The following OR6B1 variants were observed in gnomAD, a reference collection of about 807,000 sequenced individuals.
OR6B1 encodes olfactory receptor family 6 subfamily B member 1.
Under a neutral mutation model 15.4 loss-of-function variants are expected in OR6B1, and 15 were observed. The ratio of observed to expected loss-of-function variants is 0.97; its 90% confidence interval spans 0.65 to 1.50. The LOEUF (loss-of-function observed/expected upper bound fraction) is 1.50. Among genes scored for constraint, OR6B1 ranks in the 40% most tolerant of loss-of-function variants. OR6B1 has a pLI of 0.00. For missense variants in OR6B1, 384 were observed against 385.0 expected, an observed-to-expected ratio of 1.00 and a Z score of 0.02; for synonymous variants, 139 against 144.9, an observed-to-expected ratio of 0.96 and a Z score of 0.29.
At chr7:144,001,701 T>C (rs1012378253) in intron 1 of OR6B1, among the ~76,000 whole-genome samples, 4 of 152,206 alleles carry the variant, frequency 2.6e-5, no homozygotes, top group Admixed American at 2.6e-4. Flanking sequence ...TCTTTCTCTT[T>C]CCATCCATCT....
At position 144,003,968 on chromosome 7, in the gene OR6B1, C is replaced by A. The variant is rs770854517; in HGVS notation, c.-25-4C>A. On this transcript the variant is annotated splice_polypyrimidine_tract_variant and splice_region_variant and intron_variant, in intron 1 of 1. Transcript: ENST00000641698. ...AGTCTGATCAAATGATTTTTCCTCC[C>A]CAGGAGAGCTAAGCCCTGTGTCTCC... The A allele has an allele frequency of 6.6e-7, 1 of 1,518,872 alleles. No homozygotes were observed. The highest frequency in any genetic ancestry group is 1.8e-5 in the Admixed American group (1 of 54,744). The allele number at this position is 1,518,872 out of a possible 1,614,324, so 94.1% of individuals were successfully genotyped here.
rs948621230 is a variant in OR6B1, at chr7:144,005,697, G to A, written c.*765G>A. The A allele has an allele frequency of 6.6e-6, 1 of 151,868 alleles. No individual in the cohort carries two copies. Among genetic ancestry groups the A allele is most frequent in the African/African-American group, 2.4e-5 (1 of 41,308 alleles). The allele number at this position is 151,868 out of a possible 1,614,324, so 9.4% of individuals were successfully genotyped here. A position where few individuals can be genotyped will look rare whatever the true frequency, so the allele number is the denominator to read the frequency against. On this transcript the variant is annotated 3_prime_UTR_variant, in exon 2 of 2. Coordinates refer to ENST00000641698, the MANE Select transcript of OR6B1 (RefSeq NM_001005281.3). The stretch of plus-strand genomic sequence containing the variant: ...TTTCTTTTGATCTTGATATCCTCTT[G>A]TTCCCGCCCCGCACCCCCCTTCCCG...
At chr7:144,002,177 T>G (rs1473224789) in intron 1 of OR6B1, among the ~76,000 whole-genome samples, 1 of 152,248 alleles carries the variant, frequency 6.6e-6, no homozygotes, top group Non-Finnish European at 1.5e-5. Flanking sequence ...ATTCTGATTT[T>G]ATCACTGTCT....
chr7:144,004,346 C>T lies in OR6B1; in HGVS notation c.350C>T (p.Ala117Val), dbSNP rs1261857106. Residue 117 changes from alanine to valine, a missense_variant, in exon 2 of 2, where the codon GCC (alanine) becomes GTC (valine). Ala to Val is a moderately conservative substitution (Grantham distance 64). Transcript: ENST00000641698. Reference sequence around the variant, plus strand: ...TGCACAGAATGTGTGCTTCTGGCCGCCATGGCCTATGACCGGTATGTGGCC... The same window carrying T: ...TGCACAGAATGTGTGCTTCTGGCCGTCATGGCCTATGACCGGTATGTGGCC... ...LMCTECVLLA[A>V]MAYDRYVAIC... is the part of the protein sequence containing the mutation. 21 of 1,614,076 alleles carry T rather than the reference C, an allele frequency of 1.3e-5. No individual in the cohort carries two copies. The Admixed American group carries it at 2.0e-4, about 15-fold the overall frequency.
intron 1 of OR6B1, among the ~76,000 whole-genome samples, chr7:144,002,181 ACTGT>A (rs1165905287): frequency 6.6e-6 from 1 of 152,230 alleles, no homozygotes; most frequent in East Asian, 1.9e-4. Flanking sequence ...TGATTTTATC[ACTGT>A]CTAACTTGGA....
At position 144,006,492 on chromosome 7, in the gene OR6B1, A is replaced by G. The variant is rs2050625517; in HGVS notation, c.*1560A>G. ...GGGAATAAATGTGCAAAAGAGAACA[A>G]TGCTTAAAATGGAAAGGATTTAATG... On this transcript the variant is annotated 3_prime_UTR_variant, in exon 2 of 2. Coordinates refer to ENST00000641698, the MANE Select transcript of OR6B1 (RefSeq NM_001005281.3). The G allele has an allele frequency of 6.6e-6, 1 of 152,250 alleles. No individual in the cohort carries two copies. The highest frequency in any genetic ancestry group is 2.1e-4 in the South Asian group (1 of 4,832). 9.4% of individuals were successfully genotyped at this position (152,250 alleles called of 1,614,324 possible). A position where few individuals can be genotyped will look rare whatever the true frequency, so the allele number is the denominator to read the frequency against.
rs2050637860 is a variant in OR6B1, at chr7:144,008,227, C to T, written c.*3295C>T. 1 of 152,136 alleles carries T rather than the reference C, an allele frequency of 6.6e-6. No individual in the cohort carries two copies. The highest frequency in any genetic ancestry group is 1.5e-5 in the Non-Finnish European group (1 of 68,044). The allele number at this position is 152,136 out of a possible 1,614,324, so 9.4% of individuals were successfully genotyped here. On this transcript the variant is annotated 3_prime_UTR_variant, in exon 2 of 2. Transcript: ENST00000641698. ...GTGCTATGGATGGGGAGGAAGAAAG[C>T]ATGAAAGTATAATAGGAAGTGCTGC...
At position 144,007,601 on chromosome 7, in the gene OR6B1, C is replaced by T. The variant is rs186625422; in HGVS notation, c.*2669C>T. On this transcript the variant is annotated 3_prime_UTR_variant, in exon 2 of 2. Coordinates refer to ENST00000641698, the MANE Select transcript of OR6B1 (RefSeq NM_001005281.3). ...ATATATATTAAAGATCTATTATGTA[C>T]GTGTAGGGATACAATAGCAAAATAT... 32 of 151,668 alleles carry T rather than the reference C, an allele frequency of 2.1e-4. No individual in the cohort carries two copies. Among genetic ancestry groups the T allele is most frequent in the African/African-American group, 6.3e-4 (26 of 41,306 alleles). The allele number at this position is 151,668 out of a possible 1,614,324, so 9.4% of individuals were successfully genotyped here. A position where few individuals can be genotyped will look rare whatever the true frequency, so the allele number is the denominator to read the frequency against.
Position 144,005,063 on chromosome 7 carries a change from A to C in OR6B1, c.*131A>C. The C allele has an allele frequency of 3.0e-6, 2 of 656,650 alleles. No homozygotes were observed. The highest frequency in any genetic ancestry group is 5.1e-6 in the Non-Finnish European group (2 of 388,410). The allele number at this position is 656,650 out of a possible 1,614,324, so 40.7% of individuals were successfully genotyped here. A position where few individuals can be genotyped will look rare whatever the true frequency, so the allele number is the denominator to read the frequency against. ...ACATCACCATGTCTACTTCAATCTC[A>C]GGCGCTTGGGTATCTGCATCTGTGC... On this transcript the variant is annotated 3_prime_UTR_variant, in exon 2 of 2. Coordinates refer to ENST00000641698, the MANE Select transcript of OR6B1 (RefSeq NM_001005281.3).
chr7:144,004,866 A>G lies in OR6B1; in HGVS notation c.870A>G (p.Leu290=). 3 of 1,612,584 alleles carry G rather than the reference A, an allele frequency of 1.9e-6. No homozygotes were observed. The highest frequency in any genetic ancestry group is 2.5e-6 in the Non-Finnish European group (3 of 1,180,006). The change falls in exon 2 of 2, where the codon CTA becomes CTG. Residue 290 remains leucine, a synonymous_variant. Transcript: ENST00000641698. Reference sequence around the variant, plus strand: ...CTCTCAACCCTTTCATTTATTGCCTAAGAAACCGAGAGGTCAAGGAAGCTC... The same window carrying G: ...CTCTCAACCCTTTCATTTATTGCCTGAGAAACCGAGAGGTCAAGGAAGCTC... The part of the protein sequence containing the change: ...TPSLNPFIYC[L]RNREVKEALK...
Position 144,003,904 on chromosome 7 carries a change from T to C in OR6B1, c.-25-68T>C. 3 of 788,584 alleles carry C rather than the reference T, an allele frequency of 3.8e-6. No individual in the cohort carries two copies. In the East Asian group the frequency reaches 7.9e-5, roughly 21 times the overall value. The allele number at this position is 788,584 out of a possible 1,614,324, so 48.8% of individuals were successfully genotyped here. ...ATTAATAAATGATAACTATTACTGATAGAGAAGACAAGTATGGAAAAATAT... is the reference window on the plus strand; with the variant it reads ...ATTAATAAATGATAACTATTACTGACAGAGAAGACAAGTATGGAAAAATAT... On this transcript the variant is annotated intron_variant, in intron 1 of 1. Coordinates refer to ENST00000641698, the MANE Select transcript of OR6B1 (RefSeq NM_001005281.3).
rs994509689 is a variant in OR6B1, at chr7:144,006,574, T to A, written c.*1642T>A. On this transcript the variant is annotated 3_prime_UTR_variant, in exon 2 of 2. Transcript: ENST00000641698. ...TGCAACAAGTAAGTTGTGATGAATA[T>A]ATTTCTATTTAAAATCTAGACACAC... 1.3e-5 allele frequency: 2 copies of A among 152,216 alleles called. No individual in the cohort carries two copies. The highest frequency in any genetic ancestry group is 4.8e-5 in the African/African-American group (2 of 41,464). The allele number at this position is 152,216 out of a possible 1,614,324, so 9.4% of individuals were successfully genotyped here.
In OR6B1 at chr7:144,004,482, C is replaced by T; in HGVS notation, c.486C>T (p.Phe162=). Residue 162 remains phenylalanine, a synonymous_variant, in exon 2 of 2, where the codon TTC becomes TTT. Transcript: ENST00000641698. ...GCATCTCCCTGGCGAAGATCTACTT[C>T]ATCTCCTGCCTCAGCTTCTGTGGTC... ...GFGISLAKIY[F]ISCLSFCGPN... The T allele has an allele frequency of 6.2e-7, 1 of 1,614,196 alleles. No individual in the cohort carries two copies. Among genetic ancestry groups the T allele is most frequent in the Non-Finnish European group, 8.5e-7 (1 of 1,180,042 alleles).
At position 144,004,708 on chromosome 7, in the gene OR6B1, A is replaced by C. The variant is rs1303359969; in HGVS notation, c.712A>C (p.Thr238Pro). The change falls in exon 2 of 2, where the codon ACT becomes CCT. Residue 238 changes from threonine to proline, a missense_variant. Coordinates refer to ENST00000641698, the MANE Select transcript of OR6B1 (RefSeq NM_001005281.3). ...MPTGKQKAFS[T>P]CASHLVVVTI... ...CACAGGAAAGCAGAAAGCGTTCTCC[A>C]CTTGTGCCTCCCATCTTGTGGTGGT... The C allele has an allele frequency of 6.2e-7, 1 of 1,614,098 alleles. No homozygotes were observed. Among genetic ancestry groups the C allele is most frequent in the Non-Finnish European group, 8.5e-7 (1 of 1,180,006 alleles).
In OR6B1 at chr7:144,007,951, A is replaced by G. The variant is rs2050635823; in HGVS notation, c.*3019A>G. 3.9e-5 allele frequency: 6 copies of G among 152,182 alleles called. No individual in the cohort carries two copies. The highest frequency in any genetic ancestry group is 3.9e-4 in the Admixed American group (6 of 15,278). The allele number at this position is 152,182 out of a possible 1,614,324, so 9.4% of individuals were successfully genotyped here. ...CAGAGAAGGTGATGTGAAGGTAGAG[A>G]TAGAGATTGGAGTTCTGCATCCACA... On this transcript the variant is annotated 3_prime_UTR_variant, in exon 2 of 2. Coordinates refer to ENST00000641698, the MANE Select transcript of OR6B1 (RefSeq NM_001005281.3).
At chr7:144,003,813 C>A in intron 1 of OR6B1, 159 bp from the exon 2 acceptor site, 1 of 468,830 alleles carries the variant, frequency 2.1e-6, no homozygotes, top group Non-Finnish European at 3.8e-6. Flanking sequence ...ACACACACGG[C>A]TATGTGGAAA....
rs1044520992 is a variant in OR6B1, at chr7:144,003,495, C to G, written c.-25-477C>G. 2.6e-5 allele frequency among the ~76,000 whole-genome samples: 4 copies of G among 152,142 alleles called. 1 individual carries two copies. The highest frequency in any genetic ancestry group is 5.9e-5 in the Non-Finnish European group (4 of 68,044). Reference sequence around the variant, plus strand: ...CCTCATAGGTGATGACAGCTACTCTCTATCTCCAGGGATGGTAGATGAAAA... The same window carrying G: ...CCTCATAGGTGATGACAGCTACTCTGTATCTCCAGGGATGGTAGATGAAAA... On this transcript the variant is annotated intron_variant, in intron 1 of 1. Transcript: ENST00000641698.
Position 144,008,352 on chromosome 7 carries a change from G to T in OR6B1, c.*3420G>T, listed in dbSNP as rs1176563537. 1 of 152,284 alleles carries T rather than the reference G, an allele frequency of 6.6e-6. No homozygotes were observed. Among genetic ancestry groups the T allele is most frequent in the Non-Finnish European group, 1.5e-5 (1 of 68,108 alleles). 9.4% of individuals were successfully genotyped at this position (152,284 alleles called of 1,614,324 possible). On this transcript the variant is annotated 3_prime_UTR_variant, in exon 2 of 2. Coordinates refer to ENST00000641698, the MANE Select transcript of OR6B1 (RefSeq NM_001005281.3). ...AGAAGCTGTGAGAGTAAGATATATG[G>T]CTACTTTGGCAAAGAACATTCCAGG...
In OR6B1 at chr7:144,007,364, C is replaced by T. The variant is rs867343090; in HGVS notation, c.*2432C>T. 4.6e-5 allele frequency: 7 copies of T among 152,062 alleles called. No individual in the cohort carries two copies. The highest frequency in any genetic ancestry group is 8.8e-5 in the Non-Finnish European group (6 of 67,990). The allele number at this position is 152,062 out of a possible 1,614,324, so 9.4% of individuals were successfully genotyped here. A position where few individuals can be genotyped will look rare whatever the true frequency, so the allele number is the denominator to read the frequency against. ...TTCTAAGGTGACACACAAAGCAAGC[C>T]GGAAGTTTCAGGGCATTTGGTGATC... On this transcript the variant is annotated 3_prime_UTR_variant, in exon 2 of 2. Transcript: ENST00000641698.
Sources: gnomAD v4.1 joint callset for allele counts (sites outside exome capture counted in the v4.1 genomes callset) on GRCh38, gnomAD v4.1.1 for gene constraint, MANE v1.5 for transcripts, NCBI Gene and HGNC (gene_info 2026-07-23, HGNC 2026-07-21) for gene names.